Variants in IRAG1 observed in about 807,000 individuals in gnomAD.
IRAG1 encodes the protein inositol 1,4,5-triphosphate receptor associated 1.
In IRAG1, 62 loss-of-function variants were observed where a neutral mutation model predicts 106.2. The observed-to-expected ratio is 0.58, with a 90% CI of 0.48 to 0.72. The LOEUF is 0.72. Ranked by LOEUF, IRAG1 falls within the 30% of genes least tolerant of loss-of-function variation. The probability of loss-of-function intolerance (pLI) is 0.00; values close to 1 mark genes in which losing one functional copy is unlikely to be tolerated. For synonymous variants in IRAG1, 462 were observed against 443.9 expected, an observed-to-expected ratio of 1.04 and a Z score of -0.51; for missense variants, 1,064 against 1,140.7, an observed-to-expected ratio of 0.93 and a Z score of 0.97.
At chr11:10,610,849 G>A (rs1232683488) in intron 10 of IRAG1, among the ~76,000 whole-genome samples, 1 of 152,164 alleles carries the variant, frequency 6.6e-6, no homozygotes, top group Non-Finnish European at 1.5e-5. Context: ...TCCTCATCCT[G>A]TATAATGGTT....
intron 4 of IRAG1, among the ~76,000 whole-genome samples, chr11:10,631,138 C>T (rs752959614): frequency 6.6e-6 from 1 of 152,190 alleles, no homozygotes; most frequent in African/African-American, 2.4e-5. Context: ...TTGCTAATAA[C>T]CCACTTTGAG....
intron 15 of IRAG1, among the ~76,000 whole-genome samples, chr11:10,598,800 A>T (rs2134281395): frequency 6.6e-6 from 1 of 152,370 alleles, no homozygotes; most frequent in Admixed American, 6.5e-5. Flanking sequence ...AAATGCAGAT[A>T]ATTGGTAAAT....
chr11:10,627,608 C>A (rs919023753), intron 8 of IRAG1, 108 bp downstream of exon 8: 5 of 1,145,406 alleles, frequency 4.4e-6, no homozygotes, highest in South Asian at 1.3e-5. Context: ...TCCACTCATA[C>A]GTGTGCATGC....
rs941894356 is a variant in IRAG1, at chr11:10,632,699, A to G, written c.330-638T>C. On this transcript the variant is annotated intron_variant, in intron 3 of 20. Coordinates refer to ENST00000423302, the MANE Select transcript of IRAG1 (RefSeq NM_130385.4). Reference sequence around the variant, plus strand: ...CTAAAGTTTTCCAACCACTGCCCTAAGAGGATGTGACTTTGACTTACTATT... The same window carrying G: ...CTAAAGTTTTCCAACCACTGCCCTAGGAGGATGTGACTTTGACTTACTATT... 3.3e-5 allele frequency among the ~76,000 whole-genome samples: 5 copies of G among 152,310 alleles called. No homozygotes were observed. In the South Asian group the frequency reaches 8.3e-4, roughly 25 times the overall value.
chr11:10,648,853 T>C (rs1858201937), intron 2 of IRAG1, among the ~76,000 whole-genome samples: 1 of 152,058 alleles, frequency 6.6e-6, no homozygotes, highest in Admixed American at 6.6e-5. Flanking sequence ...AGAAACAGGA[T>C]CTAGTCCTAC....
Position 10,628,234 on chromosome 11 carries a change from A to C in IRAG1, c.653-209T>G, listed in dbSNP as rs1856411053. 1 of 683,730 alleles carries C rather than the reference A, an allele frequency of 1.5e-6. No individual in the cohort carries two copies. Among genetic ancestry groups the C allele is most frequent in the African/African-American group, 1.8e-5 (1 of 56,878 alleles). 42.4% of individuals were successfully genotyped at this position (683,730 alleles called of 1,614,324 possible). A position where few individuals can be genotyped will look rare whatever the true frequency, so the allele number is the denominator to read the frequency against. On this transcript the variant is annotated intron_variant, in intron 6 of 20. Coordinates refer to ENST00000423302, the MANE Select transcript of IRAG1 (RefSeq NM_130385.4). The surrounding 1 kb of genome is among the most constrained non-coding windows in gnomAD (Gnocchi z 4.1). ...GAGGAAACTGAGGCACAGGGAAATC[A>C]AAGTCTCATGGCCAGGAAATGTCAG... is the stretch of plus-strand genomic sequence containing the variant.
At chr11:10,687,766 T>C (rs1459846704) in intron 1 of IRAG1, 12 of 1,289,050 alleles carry the variant, frequency 9.3e-6, no homozygotes, top group Non-Finnish European at 1.2e-5. Context: ...AGAAGTCTTC[T>C]TGATGGAATC....
intron 15 of IRAG1, among the ~76,000 whole-genome samples, chr11:10,594,797 A>T (rs1036618387): frequency 3.3e-5 from 5 of 152,224 alleles, no homozygotes; most frequent in African/African-American, 4.8e-5. Context: ...AGAGAAAGGT[A>T]TTTGCTAGTT....
intron 15 of IRAG1, chr11:10,599,949 G>A (rs373719220): frequency 1.3e-5 from 2 of 152,176 alleles, no homozygotes; most frequent in South Asian, 4.1e-4. Context: ...ACTCCCCGTT[G>A]CCTAGAGGCT....
chr11:10,636,349 A>AT (rs922324131), intron 2 of IRAG1, among the ~76,000 whole-genome samples: 85 of 150,014 alleles, frequency 5.7e-4, no homozygotes, highest in African/African-American at 2.0e-3. Flanking sequence ...TGACTTAAAA[A>AT]TTTTTTTTTT....
intron 10 of IRAG1, among the ~76,000 whole-genome samples, chr11:10,614,593 G>C (rs1001191230): frequency 6.6e-6 from 1 of 152,136 alleles, no homozygotes; most frequent in Admixed American, 6.5e-5. Context: ...CCAAAACAGA[G>C]ATATAGACCA....
rs1852912545 is a variant in IRAG1 at position 10,593,476 on chromosome 11, A to C, written c.2175+16T>G. 6.2e-7 allele frequency: 1 copy of C among 1,603,278 alleles called. No individual in the cohort carries two copies. Among genetic ancestry groups the C allele is most frequent in the African/African-American group, 1.3e-5 (1 of 74,840 alleles). On this transcript the variant is annotated intron_variant, in intron 17 of 20. Transcript: ENST00000423302. Reference sequence around the variant, plus strand: ...TCTACTATTCTGTGCTGGGAGGCAGACATCGTCATACTTACCAAGGCTGGT... The same window carrying C: ...TCTACTATTCTGTGCTGGGAGGCAGCCATCGTCATACTTACCAAGGCTGGT...
At chr11:10,689,835 A>G (rs892378729) in intron 1 of IRAG1, among the ~76,000 whole-genome samples, 4 of 152,256 alleles carry the variant, frequency 2.6e-5, no homozygotes, top group African/African-American at 9.6e-5. Context: ...GAAACACACC[A>G]TAATATAAAC....
chr11:10,602,580 C>T (rs574540674), intron 14 of IRAG1, among the ~76,000 whole-genome samples: 2 of 152,288 alleles, frequency 1.3e-5, no homozygotes, highest in Admixed American at 6.5e-5. Flanking sequence ...TGCCCCGCTC[C>T]GCCACTAACG....
At chr11:10,621,227 A>C (rs1186072216) in intron 10 of IRAG1, among the ~76,000 whole-genome samples, 2 of 152,244 alleles carry the variant, frequency 1.3e-5, no homozygotes, top group African/African-American at 4.8e-5. Flanking sequence ...CTTGGGAAAA[A>C]ACACTGTTTG....
At chr11:10,693,122 C>T (rs951514904) in intron 1 of IRAG1, among the ~76,000 whole-genome samples, 2 of 152,000 alleles carry the variant, frequency 1.3e-5, no homozygotes, top group African/African-American at 4.8e-5. Context: ...GGCAGAGGGG[C>T]GTAGGGGGAC....
At chr11:10,606,678 A>C (rs565718616) in intron 12 of IRAG1, 64 bp downstream of exon 12, 4 of 1,494,422 alleles carry the variant, frequency 2.7e-6, no homozygotes, top group Non-Finnish European at 3.6e-6. Context: ...TGGAGGAAGA[A>C]ATGTTTTGAA....
intron 10 of IRAG1, among the ~76,000 whole-genome samples, chr11:10,622,301 G>A (rs1217617011): frequency 1.3e-5 from 2 of 152,088 alleles, no homozygotes; most frequent in African/African-American, 4.8e-5. Flanking sequence ...AGATGCCGCG[G>A]GGACAGAGGC....
intron 14 of IRAG1, among the ~76,000 whole-genome samples, 170 bp from the exon 15 acceptor site, chr11:10,601,229 C>T (rs1202427042): frequency 6.6e-6 from 1 of 152,230 alleles, no homozygotes; most frequent in Non-Finnish European, 1.5e-5. Context: ...GTGGACTCAG[C>T]ACCTGCGCTT....
Sources: gnomAD v4.1 joint callset for allele counts (sites outside exome capture counted in the v4.1 genomes callset) on GRCh38, gnomAD v4.1.1 for gene constraint, Gnocchi (gnomAD v3.1) non-coding constraint, MANE v1.5 for transcripts, NCBI Gene and HGNC (gene_info 2026-07-23, HGNC 2026-07-21) for gene names.